The following LONP1 variants were observed in gnomAD, a reference collection of about 807,000 sequenced individuals.
LONP1 encodes the protein lon protease homolog, mitochondrial.
A neutral mutation model predicts 98.5 loss-of-function variants in LONP1; 31 were observed. That is an observed-to-expected ratio of 0.31 (90% confidence interval 0.24 to 0.42). LONP1 has a LOEUF of 0.42. Ranked by LOEUF, LONP1 falls within the 20% of genes least tolerant of loss-of-function variation. LONP1 has a pLI of 1.00. For synonymous variants in LONP1, 781 were observed against 594.7 expected, an observed-to-expected ratio of 1.31 and a Z score of -4.56; for missense variants, 1,336 against 1,350.6, an observed-to-expected ratio of 0.99 and a Z score of 0.17.
chr19:5,696,462 C>A, intron 11 of LONP1, 91 bp from the exon 12 acceptor site: 1 of 1,523,650 alleles, frequency 6.6e-7, no homozygotes, highest in Non-Finnish European at 8.9e-7. Flanking sequence ...TGGGGAGACC[C>A]CGAGTGAGAG....
chr19:5,705,186 G>A (rs1317002518), intron 8 of LONP1, among the ~76,000 whole-genome samples: 1 of 151,566 alleles, frequency 6.6e-6, no homozygotes, highest in Non-Finnish European at 1.5e-5. Flanking sequence ...GCCAGGCATG[G>A]TGGCTCGCGC....
chr19:5,710,932 A>G (rs2055226829), intron 4 of LONP1, among the ~76,000 whole-genome samples: 1 of 152,108 alleles, frequency 6.6e-6, no homozygotes, highest in South Asian at 2.1e-4. Context: ...AGGCTGAGGC[A>G]TGAGAATCAC....
intron 13 of LONP1, 135 bp downstream of exon 13, chr19:5,695,919 C>T (rs1365498918): frequency 2.9e-6 from 2 of 700,828 alleles, no homozygotes; most frequent in East Asian, 2.7e-5. Flanking sequence ...CTCTCACGGC[C>T]CCATCTGCTC....
intron 3 of LONP1, among the ~76,000 whole-genome samples, 163 bp downstream of exon 3, chr19:5,712,971 T>C (rs1002236895): frequency 6.6e-6 from 1 of 151,986 alleles, no homozygotes; most frequent in Non-Finnish European, 1.5e-5. Flanking sequence ...GGTCCAGAGG[T>C]GACATGTCTC....
intron 17 of LONP1, 124 bp from the exon 18 acceptor site, chr19:5,692,332 T>G: frequency 1.0e-6 from 1 of 970,992 alleles, no homozygotes; most frequent in Non-Finnish European, 1.5e-6. Context: ...TTCTAAGCAG[T>G]AAGTCCCAAA....
At chr19:5,718,697 T>C (rs1470448375) in intron 1 of LONP1, among the ~76,000 whole-genome samples, 1 of 150,488 alleles carries the variant, frequency 6.6e-6, no homozygotes, top group Non-Finnish European at 1.5e-5. Flanking sequence ...TCCACATCAG[T>C]AGTTTTTTTT....
intron 8 of LONP1, 120 bp downstream of exon 8, chr19:5,705,651 GC>G: frequency 1.3e-6 from 1 of 746,406 alleles, no homozygotes; most frequent in South Asian, 1.7e-5. Flanking sequence ...ATGCCTCCCA[GC>G]CCGCACCTGC....
intron 4 of LONP1, among the ~76,000 whole-genome samples, chr19:5,710,316 T>C (rs1478626999): frequency 1.3e-5 from 2 of 151,948 alleles, no homozygotes; most frequent in African/African-American, 4.8e-5. Context: ...CTCAAACTCC[T>C]GACCTCAGGT....
chr19:5,702,329 CAG>C (rs1344170758), intron 8 of LONP1, among the ~76,000 whole-genome samples: 1 of 147,260 alleles, frequency 6.8e-6, no homozygotes, highest in African/African-American at 2.5e-5. Context: ...CCCGCCCAGC[CAG>C]CCGCCCCGTC....
intron 13 of LONP1, 51 bp downstream of exon 13, chr19:5,696,003 G>A (rs2058841830): frequency 1.3e-6 from 2 of 1,532,042 alleles, no homozygotes; most frequent in East Asian, 2.3e-5. Flanking sequence ...GGCTCTGGGG[G>A]GCGCCCCCTG....
At position 5,694,512 on chromosome 19, in the gene LONP1, G is replaced by A. The variant is rs1185582836; in HGVS notation, c.2195C>T (p.Ala732Val). 2.5e-6 allele frequency: 4 copies of A among 1,613,204 alleles called. No individual in the cohort carries two copies. Among genetic ancestry groups the A allele is most frequent in the Admixed American group, 3.3e-5 (2 of 60,018 alleles). The change falls in exon 15 of 18, where the codon GCC becomes GTC. Residue 732 changes from alanine to valine, a missense_variant. Transcript: ENST00000360614. ...CTCGGGCGTCACCTCCACGGACTCG[G>A]CCTCGCCGCTGACAATCTTGTAGGC... Reference protein sequence around the residue: ...KSAYKIVSGEAESVEVTPENL... With the variant: ...KSAYKIVSGEVESVEVTPENL...
Position 5,705,818 on chromosome 19 carries a change from C to A in LONP1, c.1321G>T (p.Glu441Ter), listed in dbSNP as rs745742429. The part of the protein sequence containing the change: ...PKHVMDVVDE[E>*]LSKLGLLDNH... ...TCCAGCAGGCCCAGCTTGCTCAGCT[C>A]CTCGTCCACAACATCCATGACGTGC... Residue 441 changes from glutamate to a stop codon, truncating the protein, a stop_gained, in exon 8 of 18, where the codon GAG becomes TAG. Coordinates refer to ENST00000360614, the MANE Select transcript of LONP1 (RefSeq NM_004793.4). LOFTEE classifies it high-confidence loss of function. 2 of 1,614,142 alleles carry A rather than the reference C, an allele frequency of 1.2e-6. No individual in the cohort carries two copies. The highest frequency in any genetic ancestry group is 2.2e-5 in the East Asian group (1 of 44,886).
chr19:5,694,405 G>A lies in LONP1; in HGVS notation c.2302C>T (p.Leu768=), dbSNP rs146319580. The A allele has an allele frequency of 5.0e-6, 8 of 1,613,344 alleles. No individual in the cohort carries two copies. In the African/African-American group the frequency reaches 9.3e-5, roughly 19 times the overall value. Residue 768 remains leucine (L), a synonymous_variant, in exon 15 of 18, where the codon CTG becomes TTG. Transcript: ENST00000360614. ...DVTPPGVVMG[L]AWTAMGGSTL... ...CGCTCACCCATTGCGGTCCAGGCCA[G>A]CCCCATGACCACGCCGGGCGGTGTC...
chr19:5,715,236 C>G (rs527484879), intron 1 of LONP1, among the ~76,000 whole-genome samples: 2 of 151,846 alleles, frequency 1.3e-5, no homozygotes, highest in Admixed American at 6.6e-5. Flanking sequence ...CCAGGGCAAA[C>G]TGTCTTGGTT....
rs531812273 is a variant in LONP1 at position 5,715,352 on chromosome 19, T to G, written c.430-1081A>C. ...AACTTCCTTTTTTTTTTTTTTTTAA[T>G]AAAGTTTCAGGCTGGGCGCGGTGGC... is the stretch of plus-strand genomic sequence containing the variant. On this transcript the variant is annotated intron_variant, in intron 1 of 17. Coordinates refer to ENST00000360614, the MANE Select transcript of LONP1 (RefSeq NM_004793.4). Among the ~76,000 whole-genome samples the G allele has an allele frequency of 1.2e-3, 180 of 148,262 alleles. 1 individual carries two copies. The highest frequency in any genetic ancestry group is 9.9e-4 in the Non-Finnish European group (66 of 66,650).
chr19:5,714,351 G>T, intron 1 of LONP1, 80 bp from the exon 2 acceptor site: 2 of 961,782 alleles, frequency 2.1e-6, no homozygotes, highest in Non-Finnish European at 1.7e-6. Flanking sequence ...TGCCCTGGCT[G>T]GAATGTAATG....
At chr19:5,696,393 G>GGTGCCCCTCGCC (rs1568313007) in intron 11 of LONP1, 22 bp from the exon 12 acceptor site, 2 of 1,609,800 alleles carry the variant, frequency 1.2e-6, no homozygotes, top group Non-Finnish European at 1.7e-6. Context: ...GACAGCAGGT[G>GGTGCCCCTCGCC]GTGCCCCTCG....
chr19:5,707,404 C>T (rs1328607173), intron 6 of LONP1, among the ~76,000 whole-genome samples: 7 of 152,326 alleles, frequency 4.6e-5, no homozygotes, highest in South Asian at 2.1e-4. Context: ...AGACTGGCAA[C>T]GCCCCGGGTA....
rs937908946 is a variant in LONP1 at position 5,693,615 on chromosome 19, G to A, written c.2475C>T (p.Leu825=). 9 of 1,614,032 alleles carry A rather than the reference G, an allele frequency of 5.6e-6. No homozygotes were observed. Among genetic ancestry groups the A allele is most frequent in the African/African-American group, 4.0e-5 (3 of 74,916 alleles). The change falls in exon 16 of 18, where the codon CTC becomes CTT. Residue 825 remains leucine, a synonymous_variant. Transcript: ENST00000360614. Reference sequence around the variant, plus strand: ...AGTCATTGGCGGGGGCGTGCTGCATGAGGAAGGCTCTGGCGAAGGTGTAGG... The same window carrying A: ...AGTCATTGGCGGGGGCGTGCTGCATAAGGAAGGCTCTGGCGAAGGTGTAGG... ...RIAYTFARAF[L]MQHAPANDYL...
Sources: gnomAD v4.1 joint callset for allele counts (sites outside exome capture counted in the v4.1 genomes callset) on GRCh38, gnomAD v4.1.1 for gene constraint, MANE v1.5 for transcripts, NCBI Gene and HGNC (gene_info 2026-07-23, HGNC 2026-07-21) for gene names.